The following MYH2 variants were observed in gnomAD, a reference collection of about 807,000 sequenced individuals.
The protein encoded by MYH2 is myosin-2.
MYH2 carries 139 observed loss-of-function variants against 228.1 expected under a neutral mutation model. The ratio of observed to expected loss-of-function variants is 0.61; its 90% CI spans 0.53 to 0.70. MYH2 has a LOEUF of 0.70. Among genes scored for constraint, MYH2 ranks in the 30% least tolerant of loss-of-function variants. The probability of loss-of-function intolerance (pLI) is 0.00; values close to 1 mark genes in which losing one functional copy is unlikely to be tolerated. For missense variants in MYH2, 1,809 were observed against 2,357.5 expected (o/e 0.77, Z 4.82); for synonymous variants, 796 against 871.1 (o/e 0.91, Z 1.52).
intron 14 of MYH2, 115 bp downstream of exon 14, chr17:10,539,090 G>T: frequency 1.3e-6 from 2 of 1,582,208 alleles, no homozygotes; most frequent in Non-Finnish European, 1.7e-6. Context: ...CTCTTTTAAG[G>T]CTTAAAATAA....
chr17:10,540,131 C>A, intron 11 of MYH2, 65 bp from the exon 12 acceptor site: 1 of 1,603,422 alleles, frequency 6.2e-7, no homozygotes. Flanking sequence ...TAATACTGCA[C>A]ATTCCCATTG....
rs16943488 is a variant in MYH2, at chr17:10,521,442, A to G, written c.5674-10T>C. The G allele has an allele frequency of 2.2e-3, 3,498 of 1,613,816 alleles. 69 individuals are homozygous for G. The African/African-American group carries it at 0.042, about 19-fold the overall frequency. ...TGTTGGATTGTTCCTCCTGAGAATAAAAATGGAATTGTAAGGAACTCATAC... is the reference window on the plus strand; with the variant it reads ...TGTTGGATTGTTCCTCCTGAGAATAGAAATGGAATTGTAAGGAACTCATAC... On this transcript the variant is annotated splice_polypyrimidine_tract_variant and intron_variant, in intron 39 of 39. Coordinates refer to ENST00000245503, the MANE Select transcript of MYH2 (RefSeq NM_017534.6).
rs2073399572 is a variant in MYH2 at position 10,529,594 on chromosome 17, A to T, written c.3087T>A (p.Ala1029=). The change falls in exon 24 of 40, where the codon GCT becomes GCA. Residue 1029 remains alanine, a synonymous_variant. Coordinates refer to ENST00000245503, the MANE Select transcript of MYH2 (RefSeq NM_017534.6). Reference sequence around the variant, plus strand: ...CCACTTGTTGTTCAAGTTTGATTTTAGCTTTGGTCAGGGTGTTGACTTTGT... The same window carrying T: ...CCACTTGTTGTTCAAGTTTGATTTTTGCTTTGGTCAGGGTGTTGACTTTGT... ...EEDKVNTLTK[A]KIKLEQQVDD... is the part of the protein sequence containing the mutation. The T allele has an allele frequency of 6.2e-7, 1 of 1,614,158 alleles. No individual in the cohort carries two copies. Among genetic ancestry groups the T allele is most frequent in the East Asian group, 2.2e-5 (1 of 44,866 alleles).
chr17:10,541,349 T>A (rs190457147), intron 10 of MYH2, among the ~76,000 whole-genome samples: 5 of 151,798 alleles, frequency 3.3e-5, no homozygotes, highest in African/African-American at 1.2e-4. Context: ...ATGGCTGCTC[T>A]GGGAATGTTG....
Position 10,537,928 on chromosome 17 carries a change from G to A in MYH2, c.1417-93C>T. On this transcript the variant is annotated intron_variant, in intron 14 of 39. Transcript: ENST00000245503. The surrounding 1 kb of genome is among the most constrained non-coding windows in gnomAD (Gnocchi z 4.0). Reference sequence around the variant, plus strand: ...CCATTTTAAAAATATGTGTCCAAGAGCCTTTATATTACAGATATTAAAATC... The same window carrying A: ...CCATTTTAAAAATATGTGTCCAAGAACCTTTATATTACAGATATTAAAATC... 1 of 1,592,322 alleles carries A rather than the reference G, an allele frequency of 6.3e-7. No individual in the cohort carries two copies.
At chr17:10,543,533 A>G (rs2073585769) in intron 8 of MYH2, among the ~76,000 whole-genome samples, 178 bp downstream of exon 8, 1 of 152,202 alleles carries the variant, frequency 6.6e-6, no homozygotes, top group Non-Finnish European at 1.5e-5. Flanking sequence ...GAACTCAGGA[A>G]AAAGGCCATA....
Position 10,537,981 on chromosome 17 carries a change from A to G in MYH2, c.1417-146T>C. ...TGGGTTAAAGAGACTTTGAAATAAAAGGTGAAAAGTATGGAAGGTTTGAGG... is the reference window on the plus strand; with the variant it reads ...TGGGTTAAAGAGACTTTGAAATAAAGGGTGAAAAGTATGGAAGGTTTGAGG... On this transcript the variant is annotated intron_variant, in intron 14 of 39. Transcript: ENST00000245503. This position sits in a 1 kb window ranked among gnomAD's most constrained non-coding sequence, Gnocchi z 4.0. 6.9e-7 allele frequency: 1 copy of G among 1,439,062 alleles called. No homozygotes were observed. Among genetic ancestry groups the G allele is most frequent in the Non-Finnish European group, 9.4e-7 (1 of 1,066,508 alleles). 89.1% of individuals were successfully genotyped at this position (1,439,062 alleles called of 1,614,324 possible). A position where few individuals can be genotyped will look rare whatever the true frequency, so the allele number is the denominator to read the frequency against.
chr17:10,545,410 C>CT lies in MYH2; in HGVS notation c.440dup (p.Arg148AlafsTer13). ...AGATGTGGGGCGGGGCCTCCTGGCG[C>CT]TTTTTGCCTCGGTAGGCTGTCACCA... On this transcript the variant is annotated frameshift_variant, in exon 5 of 40. Coordinates refer to ENST00000245503, the MANE Select transcript of MYH2 (RefSeq NM_017534.6). LOFTEE classifies it high-confidence loss of function. 1 of 1,614,128 alleles carries CT rather than the reference C, an allele frequency of 6.2e-7. No individual in the cohort carries two copies. Among genetic ancestry groups the CT allele is most frequent in the Non-Finnish European group, 8.5e-7 (1 of 1,180,010 alleles).
chr17:10,529,473 C>T lies in MYH2; in HGVS notation c.3126G>A (p.Gly1042=). 6.2e-7 allele frequency: 1 copy of T among 1,614,200 alleles called. No individual in the cohort carries two copies. Among genetic ancestry groups the T allele is most frequent in the South Asian group, 1.1e-5 (1 of 91,080 alleles). The part of the protein sequence containing the change: ...KLEQQVDDLE[G]SLEQEKKLRM... The stretch of plus-strand genomic sequence containing the variant: ...GAAGTTTCTTTTCTTGCTCCAAGGA[C>T]CCTTCAAGCTAAATATAAATTATGT... The change falls in exon 25 of 40, where the codon GGG becomes GGA. Residue 1042 remains glycine, a synonymous_variant. Coordinates refer to ENST00000245503, the MANE Select transcript of MYH2 (RefSeq NM_017534.6).
Position 10,529,694 on chromosome 17 carries a change from G to A in MYH2, c.2987C>T (p.Ala996Val), listed in dbSNP as rs201793838. Reference sequence around the variant, plus strand: ...AGCCTTCTTCTCCTTGGTCAGCTTAGCAATGGTTTCATCCAGACCTGCCAT... The same window carrying A: ...AGCCTTCTTCTCCTTGGTCAGCTTAACAATGGTTTCATCCAGACCTGCCAT... ...EEMAGLDETI[A>V]KLTKEKKALQ... Residue 996 changes from alanine (A) to valine (V), a missense_variant, in exon 24 of 40, where the codon GCT (alanine) becomes GTT (valine). Ala to Val is a moderately conservative substitution (Grantham distance 64). Coordinates refer to ENST00000245503, the MANE Select transcript of MYH2 (RefSeq NM_017534.6). 5 of 1,613,774 alleles carry A rather than the reference G, an allele frequency of 3.1e-6. No homozygotes were observed. The highest frequency in any genetic ancestry group is 4.2e-6 in the Non-Finnish European group (5 of 1,180,022).
In MYH2 at chr17:10,527,797, C is replaced by T; in HGVS notation, c.3822G>A (p.Arg1274=). The part of the protein sequence containing the change: ...ELKSKEEEQQ[R]LINDLTAQRG... The stretch of plus-strand genomic sequence containing the variant: ...TCTGCGCAGTCAGGTCATTGATCAG[C>T]CGCTGCTGCTCCTCTTCCTTTGATT... Residue 1274 remains arginine (R), a synonymous_variant, in exon 28 of 40, where the codon CGG becomes CGA. Transcript: ENST00000245503. The T allele has an allele frequency of 1.9e-6, 3 of 1,614,116 alleles. No homozygotes were observed. The highest frequency in any genetic ancestry group is 2.5e-6 in the Non-Finnish European group (3 of 1,180,032).
In MYH2 at chr17:10,525,587, C is replaced by T. The variant is rs1189963603; in HGVS notation, c.4401G>A (p.Glu1467=). ...KILAEWKQKC[E]ETHAELEASQ... Reference sequence around the variant, plus strand: ...AGGCCTCAAGCTCAGCATGCGTTTCCTCACATTTCTGTTTCCATTCTGCCA... The same window carrying T: ...AGGCCTCAAGCTCAGCATGCGTTTCTTCACATTTCTGTTTCCATTCTGCCA... Residue 1467 remains glutamate, a synonymous_variant, in exon 32 of 40, where the codon GAG becomes GAA. Coordinates refer to ENST00000245503, the MANE Select transcript of MYH2 (RefSeq NM_017534.6). This position sits in a 1 kb window ranked among gnomAD's most constrained non-coding sequence, Gnocchi z 4.2. 6.2e-7 allele frequency: 1 copy of T among 1,614,086 alleles called. No individual in the cohort carries two copies. The highest frequency in any genetic ancestry group is 8.5e-7 in the Non-Finnish European group (1 of 1,180,050).
At chr17:10,536,747 T>A in intron 16 of MYH2, 141 bp from the exon 17 acceptor site, 1 of 791,988 alleles carries the variant, frequency 1.3e-6, no homozygotes, top group South Asian at 1.5e-5. Context: ...GAATCTTATT[T>A]TTCAACTAAG....
rs2073654124 is a variant in MYH2 at position 10,547,757 on chromosome 17, C to G, written c.164G>C (p.Arg55Thr). The change falls in exon 3 of 40, where the codon AGA (arginine) becomes ACA (threonine). Residue 55 changes from arginine (R) to threonine (T), a missense_variant. This residue lies in a region of MYH2 where 84 missense variants were observed against 81.8 expected (regional missense o/e 1.03). Transcript: ENST00000245503. ...ESFVKGTIQSREGGKVTVKTE... is the reference protein window; with the variant it reads ...ESFVKGTIQSTEGGKVTVKTE... The stretch of plus-strand genomic sequence containing the variant: ...CTTCACCGTCACTTTTCCTCCTTCT[C>G]TGCTCTGGATGGTCCCTTTGACAAA... The G allele has an allele frequency of 6.2e-7, 1 of 1,614,128 alleles. No homozygotes were observed. Among genetic ancestry groups the G allele is most frequent in the South Asian group, 1.1e-5 (1 of 91,086 alleles).
intron 30 of MYH2, 70 bp downstream of exon 30, chr17:10,526,529 T>A: frequency 6.2e-7 from 1 of 1,602,350 alleles, no homozygotes; most frequent in South Asian, 1.1e-5. Flanking sequence ...TCACTGAATC[T>A]TCAAAGGTCA....
At chr17:10,540,111 C>T (rs371271569) in intron 11 of MYH2, 45 bp from the exon 12 acceptor site, 91 of 1,612,146 alleles carry the variant, frequency 5.6e-5, no homozygotes, top group Middle Eastern at 1.6e-4. Flanking sequence ...GTGATCCACA[C>T]GCTTACTGTT....
rs1284402639 is a variant in MYH2, at chr17:10,533,383, C to T, written c.2343G>A (p.Glu781=). The T allele has an allele frequency of 6.2e-7, 1 of 1,614,114 alleles. No homozygotes were observed. The highest frequency in any genetic ancestry group is 1.3e-5 in the African/African-American group (1 of 74,944). The change falls in exon 21 of 40, where the codon GAG becomes GAA. Residue 781 remains glutamate, a synonymous_variant. Transcript: ENST00000245503. Reference sequence around the variant, plus strand: ...GCTGGGCCAGCTTGTCATCTCGCATCTCCTCTAGGAGCCCCAGAAGACCAG... The same window carrying T: ...GCTGGGCCAGCTTGTCATCTCGCATTTCCTCTAGGAGCCCCAGAAGACCAG... ...FKAGLLGLLE[E]MRDDKLAQLI...
chr17:10,524,872 C>A lies in MYH2; in HGVS notation c.4856G>T (p.Arg1619Met), dbSNP rs2073330711. The A allele has an allele frequency of 6.2e-7, 1 of 1,614,098 alleles. No homozygotes were observed. Among genetic ancestry groups the A allele is most frequent in the African/African-American group, 1.3e-5 (1 of 75,010 alleles). Residue 1619 changes from arginine to methionine, a missense_variant, in exon 34 of 40, where the codon AGG becomes ATG. Arg to Met is a moderately conservative substitution (Grantham distance 91). Coordinates refer to ENST00000245503, the MANE Select transcript of MYH2 (RefSeq NM_017534.6). The surrounding 1 kb of genome is among the most constrained non-coding windows in gnomAD (Gnocchi z 4.7). Reference protein sequence around the residue: ...AEIRSRNDAIRLKKKMEGDLN... With the variant: ...AEIRSRNDAIMLKKKMEGDLN... ...GTCTCCCTCCATCTTCTTCTTGAGC[C>A]TAATGGCATCATTCCTACTCCTGAT... is the stretch of plus-strand genomic sequence containing the variant.
chr17:10,527,610 T>C, intron 28 of MYH2, 138 bp downstream of exon 28: 1 of 1,326,674 alleles, frequency 7.5e-7, no homozygotes, highest in South Asian at 1.2e-5. Context: ...ACCTTGCACA[T>C]AGGTCAGGTG....
Sources: allele counts gnomAD v4.1 joint callset (sites outside exome capture counted in the v4.1 genomes callset), GRCh38; gene constraint gnomAD v4.1.1; regional missense constraint gnomAD v4.1.1; non-coding constraint Gnocchi (gnomAD v3.1); transcripts MANE v1.5; gene names NCBI Gene and HGNC (gene_info 2026-07-23, HGNC 2026-07-21).